Variants in ZFP57 observed in about 807,000 individuals in gnomAD.
ZFP57 encodes the protein zinc finger protein 57 homolog.
Under a neutral mutation model 15.8 loss-of-function variants are expected in ZFP57, and 12 were observed. The ratio of observed to expected loss-of-function variants is 0.76; its 90% confidence interval spans 0.49 to 1.23. ZFP57 has a LOEUF of 1.23. Among genes scored for constraint, ZFP57 ranks in the 50% most tolerant of loss-of-function variants. ZFP57 has a pLI of 0.00. For missense variants in ZFP57, 536 were observed against 654.9 expected, an observed-to-expected ratio of 0.82 and a Z score of 1.98; for synonymous variants, 203 against 242.3, an observed-to-expected ratio of 0.84 and a Z score of 1.51.
chr6:29,673,741 GCT>G lies in ZFP57; in HGVS notation c.368_369del (p.Glu123AlafsTer11), dbSNP rs1771892702. On this transcript the variant is annotated frameshift_variant, in exon 5 of 5. Coordinates refer to ENST00000376883, the MANE Select transcript of ZFP57 (RefSeq NM_001109809.5). LOFTEE classifies it low-confidence loss of function (END_TRUNC). This position sits in a 1 kb window ranked among gnomAD's most constrained non-coding sequence, Gnocchi z 4.7. ...CTCAGACTGGGATGTTGTTCTCGAA[GCT>G]CTTTCTTCTTGCCTTCTACAGTGAA... ...TEGLSEGKKKELREQHPSLRD... is the reference protein window; with the variant it reads ...TEGLSEGKKKXLREQHPSLRD... 1.9e-6 allele frequency: 3 copies of G among 1,613,038 alleles called. No individual in the cohort carries two copies. The highest frequency in any genetic ancestry group is 2.5e-6 in the Non-Finnish European group (3 of 1,180,040).
intron 1 of ZFP57, among the ~76,000 whole-genome samples, chr6:29,680,787 C>T (rs2747431): frequency 0.27 from 41,152 of 152,030 alleles, 5,946 homozygotes; most frequent in East Asian, 0.49. Context: ...GATGCCCATC[C>T]GCCCAGAATC....
In ZFP57 at chr6:29,672,853, A is replaced by G; in HGVS notation, c.1258T>C (p.Ser420Pro). Reference sequence around the variant, plus strand: ...ACCAGCCTGGAAAATGAGCTGAAAGACTTGCTGCAATGGAAGCAGTAGTTG... The same window carrying G: ...ACCAGCCTGGAAAATGAGCTGAAAGGCTTGCTGCAATGGAAGCAGTAGTTG... ...PPNYCFHCSK[S>P]FSSFSRLVRH... The change falls in exon 5 of 5, where the codon TCT becomes CCT. Residue 420 changes from serine to proline, a missense_variant. Ser to Pro is a moderately conservative substitution (Grantham distance 74, BLOSUM62 -1). Transcript: ENST00000376883. 6.2e-7 allele frequency: 1 copy of G among 1,613,046 alleles called. No individual in the cohort carries two copies. The highest frequency in any genetic ancestry group is 8.5e-7 in the Non-Finnish European group (1 of 1,180,032).
In ZFP57 at chr6:29,673,666, C is replaced by T. The variant is rs1280148044; in HGVS notation, c.445G>A (p.Gly149Ser). Residue 149 changes from glycine to serine, a missense_variant, in exon 5 of 5, where the codon GGC becomes AGC. By Grantham distance (56) the Gly-to-Ser change is moderately conservative. Coordinates refer to ENST00000376883, the MANE Select transcript of ZFP57 (RefSeq NM_001109809.5). The surrounding 1 kb of genome is among the most constrained non-coding windows in gnomAD (Gnocchi z 4.7). The part of the protein sequence containing the change: ...DKVFLACRGA[G>S]QCPLSAPAGT... ...GCTGGGGCAGATAGGGGGCACTGGCCGGCCCCTCTGCATGCAAGGAAGACC... is the reference window on the plus strand; with the variant it reads ...GCTGGGGCAGATAGGGGGCACTGGCTGGCCCCTCTGCATGCAAGGAAGACC... The T allele has an allele frequency of 8.7e-6, 14 of 1,612,876 alleles. No homozygotes were observed. Among genetic ancestry groups the T allele is most frequent in the East Asian group, 2.2e-5 (1 of 44,886 alleles).
Position 29,675,969 on chromosome 6 carries a change from C to T in ZFP57, c.214G>A (p.Val72Ile). ...DASQRVLYQDVMSETFKNLTS... is the reference protein window; with the variant it reads ...DASQRVLYQDIMSETFKNLTS... ...AGATTCTTAAAGGTTTCCGACATAACATCCTGGTAAAGGACCCTCTGGCTG... is the reference window on the plus strand; with the variant it reads ...AGATTCTTAAAGGTTTCCGACATAATATCCTGGTAAAGGACCCTCTGGCTG... The change falls in exon 3 of 5, where the codon GTT becomes ATT. Residue 72 changes from valine to isoleucine, a missense_variant. By Grantham distance (29) the Val-to-Ile change is conservative (BLOSUM62 3). Coordinates refer to ENST00000376883, the MANE Select transcript of ZFP57 (RefSeq NM_001109809.5). 6.2e-7 allele frequency: 1 copy of T among 1,613,434 alleles called. No individual in the cohort carries two copies. Among genetic ancestry groups the T allele is most frequent in the Non-Finnish European group, 8.5e-7 (1 of 1,180,048 alleles).
At chr6:29,678,923 A>G (rs1350183753) in intron 1 of ZFP57, among the ~76,000 whole-genome samples, 5 of 152,322 alleles carry the variant, frequency 3.3e-5, no homozygotes, top group African/African-American at 1.2e-4. Flanking sequence ...CCAGCTGCTC[A>G]GGATGCTGAG....
rs201703858 is a variant in ZFP57 at position 29,673,636 on chromosome 6, T to C, written c.475A>G (p.Thr159Ala). The C allele has an allele frequency of 3.1e-6, 5 of 1,612,844 alleles. No individual in the cohort carries two copies. Among genetic ancestry groups the C allele is most frequent in the Admixed American group, 1.7e-5 (1 of 59,998 alleles). ...TGAAGCACCCGGGTCCTGTCCATAG[T>C]CCCAGCTGGGGCAGATAGGGGGCAC... ...GQCPLSAPAG[T>A]MDRTRVLQAS... Residue 159 changes from threonine to alanine, a missense_variant, in exon 5 of 5, where the codon ACT (threonine) becomes GCT (alanine). Thr to Ala is a moderately conservative substitution (Grantham distance 58). Transcript: ENST00000376883. This position sits in a 1 kb window ranked among gnomAD's most constrained non-coding sequence, Gnocchi z 4.7.
In ZFP57 at chr6:29,675,444, C is replaced by T; in HGVS notation, c.294G>A (p.Glu98=). The T allele has an allele frequency of 1.2e-6, 2 of 1,614,160 alleles. No homozygotes were observed. The highest frequency in any genetic ancestry group is 1.1e-5 in the South Asian group (1 of 91,082). Residue 98 remains glutamate (E), a synonymous_variant, in exon 4 of 5, where the codon GAG becomes GAA. Transcript: ENST00000376883. ...LHKPELITKL[E]QEEEQWREFV... ...ACTCTCTCCACTGTTCCTCTTCTTG[C>T]TCAAGCTTGGTGATTAGCTCTGGCT... is the stretch of plus-strand genomic sequence containing the variant.
chr6:29,678,650 C>G (rs1772188632), intron 1 of ZFP57, among the ~76,000 whole-genome samples: 1 of 106,128 alleles, frequency 9.4e-6, no homozygotes, highest in South Asian at 4.3e-4. Context: ...TGTAATTGTT[C>G]TATCTTATTA....
At chr6:29,675,351 C>T (rs774367873) in intron 4 of ZFP57, 35 bp downstream of exon 4, 2 of 1,476,550 alleles carry the variant, frequency 1.4e-6, no homozygotes, top group Admixed American at 1.7e-5. Flanking sequence ...TATCCTGGGC[C>T]CTTTTCCCCT....
chr6:29,673,108 T>G lies in ZFP57; in HGVS notation c.1003A>C (p.Arg335=). The change falls in exon 5 of 5, where the codon AGA becomes CGA. Residue 335 remains arginine (R), a synonymous_variant. Transcript: ENST00000376883. This position sits in a 1 kb window ranked among gnomAD's most constrained non-coding sequence, Gnocchi z 4.7. ...PVARSQEPIF[R]TEGPMAQNQA... is the part of the protein sequence containing the mutation. ...TTCTGGGCCATAGGACCCTCAGTTC[T>G]AAATATGGGTTCCTGGGACCTGGCC... 6.2e-7 allele frequency: 1 copy of G among 1,612,966 alleles called. No homozygotes were observed. The highest frequency in any genetic ancestry group is 1.1e-5 in the South Asian group (1 of 91,072).
At position 29,677,200 on chromosome 6, in the gene ZFP57, C is replaced by A; in HGVS notation, c.-197G>T. The stretch of plus-strand genomic sequence containing the variant: ...GAGGCTGTCTTCCTTTTTTGTTCTG[C>A]TGTCCAAATTCTCCTCTTCCACAAT... On this transcript the variant is annotated 5_prime_UTR_variant, in exon 2 of 5. Coordinates refer to ENST00000376883, the MANE Select transcript of ZFP57 (RefSeq NM_001109809.5). 1.4e-6 allele frequency: 1 copy of A among 705,252 alleles called. No homozygotes were observed. Among genetic ancestry groups the A allele is most frequent in the Non-Finnish European group, 2.4e-6 (1 of 423,218 alleles). 43.7% of individuals were successfully genotyped at this position (705,252 alleles called of 1,614,324 possible).
At chr6:29,680,986 G>C (rs886506680) in intron 1 of ZFP57, 76 bp downstream of exon 1, 1 of 152,320 alleles carries the variant, frequency 6.6e-6, no homozygotes, top group Non-Finnish European at 1.5e-5. Flanking sequence ...CTGCGGAAGA[G>C]TCAGAGGAGT....
intron 4 of ZFP57, among the ~76,000 whole-genome samples, chr6:29,674,079 A>G (rs1180226097): frequency 6.6e-6 from 1 of 150,828 alleles, no homozygotes; most frequent in Non-Finnish European, 1.5e-5. Context: ...GGGCAACTAG[A>G]GTGAAACTCT....
chr6:29,676,259 C>T (rs1772066945), intron 2 of ZFP57, among the ~76,000 whole-genome samples, 200 bp from the exon 3 acceptor site: 2 of 152,024 alleles, frequency 1.3e-5, no homozygotes, highest in South Asian at 2.1e-4. Context: ...GAAAGGAGGC[C>T]GGACGCGGTG....
At chr6:29,679,664 G>T (rs919393494) in intron 1 of ZFP57, among the ~76,000 whole-genome samples, 1 of 152,134 alleles carries the variant, frequency 6.6e-6, no homozygotes, top group Non-Finnish European at 1.5e-5. Flanking sequence ...CGAGGCGGGC[G>T]GATCACCTGA....
intron 1 of ZFP57, among the ~76,000 whole-genome samples, chr6:29,679,738 T>C (rs62392953): frequency 3.9e-5 from 6 of 151,960 alleles, no homozygotes; most frequent in African/African-American, 1.4e-4. Context: ...TACAAAATTA[T>C]CCCGGCGTGG....
rs1388520831 is a variant in ZFP57, at chr6:29,676,921, G to T, written c.83C>A (p.Ala28Asp). ...CTCCCTCCAGCAATCTCTCTTCATG[G>T]CTTCCTGCAGGGTGGCAGCTACCTC... ...VGEVAATLQE[A>D]MKRDCWREAR... Residue 28 changes from alanine to aspartate, a missense_variant, in exon 2 of 5, where the codon GCC becomes GAC. Coordinates refer to ENST00000376883, the MANE Select transcript of ZFP57 (RefSeq NM_001109809.5). 6.2e-7 allele frequency: 1 copy of T among 1,614,128 alleles called. No homozygotes were observed. Among genetic ancestry groups the T allele is most frequent in the African/African-American group, 1.3e-5 (1 of 75,042 alleles).
At chr6:29,677,640 G>T (rs1237131181) in intron 1 of ZFP57, among the ~76,000 whole-genome samples, 1 of 152,192 alleles carries the variant, frequency 6.6e-6, no homozygotes, top group African/African-American at 2.4e-5. Flanking sequence ...TCATGTAGCT[G>T]GGGTAACCAG....
chr6:29,678,427 A>C (rs571986180), intron 1 of ZFP57, among the ~76,000 whole-genome samples: 2 of 152,344 alleles, frequency 1.3e-5, no homozygotes, highest in South Asian at 4.1e-4. Context: ...CCTGTGCTCA[A>C]GAATGCCTTA....
Sources: gnomAD v4.1 joint callset for allele counts (sites outside exome capture counted in the v4.1 genomes callset) on GRCh38, gnomAD v4.1.1 for gene constraint, Gnocchi (gnomAD v3.1) non-coding constraint, MANE v1.5 for transcripts, NCBI Gene and HGNC (gene_info 2026-07-23, HGNC 2026-07-21) for gene names.